The following TPTE2 variants were observed in gnomAD, a reference collection of about 807,000 sequenced individuals.
The protein encoded by TPTE2 is transmembrane phosphoinositide 3-phosphatase and tensin homolog 2, also known as phosphatidylinositol 3,4,5-trisphosphate 3-phosphatase TPTE2.
A neutral mutation model predicts 78.6 loss-of-function variants in TPTE2; 53 were observed. The ratio of observed to expected loss-of-function variants is 0.67; its 90% CI spans 0.54 to 0.85. The LOEUF (loss-of-function observed/expected upper bound fraction) is 0.85. Ranked by LOEUF, TPTE2 falls within the 40% of genes least tolerant of loss-of-function variation. The pLI is 0.00. For synonymous variants in TPTE2, 175 were observed against 206.2 expected (o/e 0.85, Z 1.30); for missense variants, 461 against 623.0 (o/e 0.74, Z 2.77).
At chr13:19,499,015 C>G (rs1488748462) in intron 1 of TPTE2, among the ~76,000 whole-genome samples, 2 of 152,112 alleles carry the variant, frequency 1.3e-5, no homozygotes, top group African/African-American at 2.4e-5. Context: ...TCTGATAAAA[C>G]AGACTTTAAA....
the TPTE2 span, among the ~76,000 whole-genome samples, chr13:19,547,469 G>C: frequency 2.6e-5 from 4 of 152,078 alleles, no homozygotes; most frequent in African/African-American, 7.2e-5. Context: ...AAGAGGATTT[G>C]TAAGTACTTA....
rs1267785106 is a variant in TPTE2 at position 19,426,529 on chromosome 13, C to G, written c.1303-12G>C. On this transcript the variant is annotated splice_polypyrimidine_tract_variant and intron_variant, in intron 17 of 19. Coordinates refer to ENST00000400230, the Ensembl canonical transcript of TPTE2. ...ATGTCATGCAATATCTATGAATGAA[C>G]ACATGGAATTGAGAACTACAAACCT... 1 of 1,473,484 alleles carries G rather than the reference C, an allele frequency of 6.8e-7. No individual in the cohort carries two copies. The highest frequency in any genetic ancestry group is 9.5e-7 in the Non-Finnish European group (1 of 1,053,094). The allele number at this position is 1,473,484 out of a possible 1,614,324, so 91.3% of individuals were successfully genotyped here.
chr13:19,473,969 G>C (rs1242871159), exon 6 of TPTE2: 4 of 1,607,930 alleles, frequency 2.5e-6, no homozygotes, highest in East Asian at 2.2e-5. Context: ...CCAATAGCTA[G>C]AGAAATAGAA....
chr13:19,464,559 A>C, intron 9 of TPTE2, 39 bp from the exon 13 acceptor site: 1 of 1,590,186 alleles, frequency 6.3e-7, no homozygotes, highest in Non-Finnish European at 8.6e-7. Flanking sequence ...ACATTATTAT[A>C]GATTTCATAT....
intron 4 of TPTE2, among the ~76,000 whole-genome samples, chr13:19,479,860 G>A (rs1332697223): frequency 6.6e-6 from 1 of 151,880 alleles, no homozygotes; most frequent in African/African-American, 2.4e-5. Context: ...CTACTCAGGA[G>A]GCTGAGGCAG....
intron 5 of TPTE2, 27 bp downstream of exon 8, chr13:19,475,546 A>G: frequency 6.2e-7 from 1 of 1,604,800 alleles, no homozygotes; most frequent in Non-Finnish European, 8.5e-7. Flanking sequence ...TATATTTAAT[A>G]CATGGTGTTT....
intron 14 of TPTE2, 128 bp from the exon 18 acceptor site, chr13:19,436,434 G>A (rs1398412719): frequency 2.3e-6 from 2 of 883,942 alleles, no homozygotes; most frequent in Non-Finnish European, 3.4e-6. Flanking sequence ...TGTTTTTTTG[G>A]TAGAGTCTTG....
At chr13:19,507,053 T>C (rs1174572508), upstream of TPTE2, among the ~76,000 whole-genome samples, 4 of 152,196 alleles carry the variant, frequency 2.6e-5, no homozygotes, top group Admixed American at 2.0e-4. Flanking sequence ...AGAAAGTCTA[T>C]ATTTAACATT....
chr13:19,497,233 G>A lies in TPTE2; in HGVS notation c.12-3732C>T, dbSNP rs1174678038. On this transcript the variant is annotated intron_variant, in intron 1 of 19. Transcript: ENST00000400230. ...CAGCGAGGCTGGGGGAGGGGCGCCC[G>A]ACATTGCCCAGGCTTGATTAGGTAA... Among the ~76,000 whole-genome samples, 25 of 147,538 alleles carry A rather than the reference G, an allele frequency of 1.7e-4. 1 individual carries two copies. In the South Asian group the frequency reaches 4.4e-3, roughly 26 times the overall value.
intron 10 of TPTE2, among the ~76,000 whole-genome samples, chr13:19,456,819 CA>C (rs1340958861): frequency 6.6e-6 from 1 of 151,786 alleles, no homozygotes; most frequent in Non-Finnish European, 1.5e-5. Flanking sequence ...TGTAAATTGC[CA>C]AGATGATTCT....
In TPTE2 at chr13:19,475,574, C is replaced by CA. The variant is rs1487330816; in HGVS notation, c.228dup (p.Gly77TrpfsTer23). ...TGGTGTTTTCTATGTCTCACATACC[C>CA]AAATGCAAAGGATGATACAATTGAA... On this transcript the variant is annotated frameshift_variant and splice_region_variant, in exon 5 of 20. Transcript: ENST00000400230. LOFTEE classifies it high-confidence loss of function. The CA allele has an allele frequency of 8.1e-6, 13 of 1,607,890 alleles. No individual in the cohort carries two copies. The highest frequency in any genetic ancestry group is 1.1e-5 in the Non-Finnish European group (13 of 1,177,892).
At chr13:19,481,896 G>A (rs967795470) in intron 4 of TPTE2, among the ~76,000 whole-genome samples, 47 of 152,074 alleles carry the variant, frequency 3.1e-4, no homozygotes, top group African/African-American at 1.1e-3. Context: ...GAAAGAAGCA[G>A]AAGAAAAATC....
chr13:19,511,561 T>C lies in TPTE2; in HGVS notation c.-43-8284A>G, dbSNP rs550747808. ...AATGAGCATACCAAATGCAGAATATTGGTTTCTAAAGGGCATCAGGTTCTT... is the reference window on the plus strand; with the variant it reads ...AATGAGCATACCAAATGCAGAATATCGGTTTCTAAAGGGCATCAGGTTCTT... On this transcript the variant is annotated intron_variant, in intron 1 of 17. Transcript: ENST00000390680. Among the ~76,000 whole-genome samples, 3 of 152,288 alleles carry C rather than the reference T, an allele frequency of 2.0e-5. No individual in the cohort carries two copies. In the East Asian group the frequency reaches 5.8e-4, roughly 29 times the overall value.
At chr13:19,539,831 C>T (rs1312591214), upstream of TPTE2, among the ~76,000 whole-genome samples, 1 of 152,144 alleles carries the variant, frequency 6.6e-6, no homozygotes, top group African/African-American at 2.4e-5. Context: ...TTTTACAATA[C>T]ATTTATGAAG....
At chr13:19,514,415 G>A (rs915500388) in intron 1 of TPTE2, among the ~76,000 whole-genome samples, 201 of 152,238 alleles carry the variant, frequency 1.3e-3, no homozygotes, top group African/African-American at 4.6e-3. Flanking sequence ...GAATCTGTTA[G>A]TGAATCCATA....
At chr13:19,520,535 G>C (rs1174419702) in intron 1 of TPTE2, among the ~76,000 whole-genome samples, 1 of 151,138 alleles carries the variant, frequency 6.6e-6, no homozygotes, top group African/African-American at 2.4e-5. Flanking sequence ...TATCAATTTT[G>C]TTGATCTTTT....
chr13:19,437,618 G>T (rs1344508201), intron 14 of TPTE2, among the ~76,000 whole-genome samples: 2 of 152,124 alleles, frequency 1.3e-5, no homozygotes, highest in Non-Finnish European at 2.9e-5. Flanking sequence ...AGAAGTCATG[G>T]TACTGGCAGG....
the TPTE2 span, among the ~76,000 whole-genome samples, chr13:19,557,464 C>T: frequency 1.3e-5 from 2 of 152,160 alleles, no homozygotes; most frequent in Non-Finnish European, 2.9e-5. Flanking sequence ...AAAGAAAACA[C>T]TGTCATCGTG....
chr13:19,423,172 T>C lies in TPTE2; in HGVS notation c.1467-8A>G. On this transcript the variant is annotated splice_polypyrimidine_tract_variant and splice_region_variant and intron_variant, in intron 19 of 19. Transcript: ENST00000400230. ...TTTCTTGGTAGACAAAGCCTAAGAA[T>C]AGAAAAAAAAAATTACATTTTATAT... 6 of 1,582,384 alleles carry C rather than the reference T, an allele frequency of 3.8e-6. No homozygotes were observed. Among genetic ancestry groups the C allele is most frequent in the Non-Finnish European group, 5.1e-6 (6 of 1,166,686 alleles).
Sources: gnomAD v4.1 joint callset for allele counts (sites outside exome capture counted in the v4.1 genomes callset) on GRCh38, gnomAD v4.1.1 for gene constraint, MANE v1.5 for transcripts, NCBI Gene and HGNC (gene_info 2026-07-23, HGNC 2026-07-21) for gene names.